ROBO1: variants seen among roughly 807,000 people sequenced by gnomAD.
The protein encoded by ROBO1 is roundabout guidance receptor 1, also known as roundabout homolog 1.
Under a neutral mutation model 195.9 loss-of-function variants are expected in ROBO1, and 149 were observed. The observed-to-expected ratio is 0.76, with a 90% CI of 0.67 to 0.87. The LOEUF (loss-of-function observed/expected upper bound fraction) is 0.87, where lower values mean the gene tolerates loss of function less well. Among genes scored for constraint, ROBO1 ranks in the 40% least tolerant of loss-of-function variants. The probability of loss-of-function intolerance (pLI) is 0.00; values close to 1 mark genes in which losing one functional copy is unlikely to be tolerated. For synonymous variants in ROBO1, 816 were observed against 733.2 expected (o/e 1.11, Z -1.82); for missense variants, 1,933 against 2,068.3 (o/e 0.93, Z 1.27).
rs1018461095 is a variant in ROBO1 at position 79,686,590 on chromosome 3, C to T, written c.-51+81162G>A. Among the ~76,000 whole-genome samples the T allele has an allele frequency of 6.6e-5, 10 of 152,060 alleles. No individual in the cohort carries two copies. The South Asian group carries it at 8.3e-4, about 13-fold the overall frequency. ...TATACACCAATAACAGACAGAGAGC[C>T]AAATCATGAGTGAACTCCCATTCAC... On this transcript the variant is annotated intron_variant, in intron 1 of 30. Coordinates refer to ENST00000464233, the MANE Select transcript of ROBO1 (RefSeq NM_002941.4).
chr3:79,376,478 C>T (rs1342788134), intron 2 of ROBO1, among the ~76,000 whole-genome samples: 4 of 152,172 alleles, frequency 2.6e-5, no homozygotes, highest in Non-Finnish European at 5.9e-5. Flanking sequence ...GTAGCTATCG[C>T]AATTCCCATG....
intron 1 of ROBO1, among the ~76,000 whole-genome samples, chr3:79,673,006 C>T (rs1273117822): frequency 1.3e-5 from 2 of 151,934 alleles, no homozygotes; most frequent in Non-Finnish European, 2.9e-5. Context: ...GGGCCAAATG[C>T]TTCATTACGA....
chr3:78,684,579 G>C (rs578204822), intron 10 of ROBO1, among the ~76,000 whole-genome samples: 27 of 152,240 alleles, frequency 1.8e-4, no homozygotes, highest in African/African-American at 6.5e-4. Context: ...TCTAGCAACA[G>C]TAAGAAAATG....
intron 5 of ROBO1, among the ~76,000 whole-genome samples, chr3:78,727,611 C>T (rs1054963238): frequency 5.3e-5 from 8 of 152,080 alleles, no homozygotes; most frequent in African/African-American, 1.9e-4. Flanking sequence ...GGCGACAGAG[C>T]GAGACTCCGT....
chr3:78,821,123 G>T (rs1030221382), intron 4 of ROBO1, among the ~76,000 whole-genome samples: 2 of 149,334 alleles, frequency 1.3e-5, no homozygotes, highest in African/African-American at 5.0e-5. Context: ...TTCTATTACT[G>T]TAGAGATAAG....
intron 2 of ROBO1, among the ~76,000 whole-genome samples, chr3:79,340,385 G>A (rs941142780): frequency 2.0e-5 from 3 of 152,092 alleles, no homozygotes; most frequent in African/African-American, 7.2e-5. Flanking sequence ...GCCTTTTCAG[G>A]TAAACTTGGA....
rs370391962 is a variant in ROBO1, at chr3:78,657,080, A to G, written c.2614+18T>C. On this transcript the variant is annotated intron_variant, in intron 18 of 30. Coordinates refer to ENST00000464233, the MANE Select transcript of ROBO1 (RefSeq NM_002941.4). ...GTAGAGTGAGAGATTGTCAAACTGG[A>G]TCTGCACTGACACTCACCCAGCTGG... 2.0e-5 allele frequency: 32 copies of G among 1,587,226 alleles called. No homozygotes were observed. Among genetic ancestry groups the G allele is most frequent in the Admixed American group, 3.5e-5 (2 of 56,904 alleles).
At chr3:78,630,435 C>T (rs6807510) in intron 25 of ROBO1, among the ~76,000 whole-genome samples, 42,559 of 152,040 alleles carry the variant, frequency 0.28, 6,074 homozygotes, top group East Asian at 0.43. Context: ...CATAGTAATA[C>T]ACTTCTCTGT....
Position 79,756,857 on chromosome 3 carries a change from T to C in ROBO1, c.-51+10895A>G, listed in dbSNP as rs1047524923. Among the ~76,000 whole-genome samples the C allele has an allele frequency of 3.3e-5, 5 of 152,316 alleles. No individual in the cohort carries two copies. In the South Asian group the frequency reaches 1.0e-3, roughly 32 times the overall value. On this transcript the variant is annotated intron_variant, in intron 1 of 30. Transcript: ENST00000464233. ...CTGCTGACCACCATTCTACTTTGTA[T>C]CTCTGTGACTTTGATTATTCTAGGT...
intron 1 of ROBO1, among the ~76,000 whole-genome samples, chr3:79,694,362 G>A (rs1947381325): frequency 6.6e-6 from 1 of 151,754 alleles, no homozygotes; most frequent in African/African-American, 2.4e-5. Context: ...AATGTCTTGA[G>A]AAAGTTTAAT....
At chr3:78,900,662 G>T (rs118012347) in intron 4 of ROBO1, among the ~76,000 whole-genome samples, 13 of 151,920 alleles carry the variant, frequency 8.6e-5, no homozygotes, top group African/African-American at 3.1e-4. Context: ...GTGTATATGC[G>T]CTAATGCTCA....
At chr3:78,735,892 T>A (rs1226455117) in intron 5 of ROBO1, among the ~76,000 whole-genome samples, 1 of 152,128 alleles carries the variant, frequency 6.6e-6, no homozygotes, top group Non-Finnish European at 1.5e-5. Flanking sequence ...CACTAATCCA[T>A]TATGTGACTC....
chr3:79,690,299 T>TA (rs1444930064), intron 1 of ROBO1, among the ~76,000 whole-genome samples: 1 of 151,880 alleles, frequency 6.6e-6, no homozygotes, highest in Non-Finnish European at 1.5e-5. Flanking sequence ...ACACAAATCC[T>TA]AAAAAGCAAA....
chr3:78,895,816 G>A (rs2037192538), intron 4 of ROBO1, among the ~76,000 whole-genome samples: 1 of 152,078 alleles, frequency 6.6e-6, no homozygotes, highest in Non-Finnish European at 1.5e-5. Flanking sequence ...CAAAAATCTG[G>A]ACACAACATT....
intron 3 of ROBO1, among the ~76,000 whole-genome samples, chr3:78,991,991 T>C (rs906779903): frequency 6.6e-6 from 1 of 152,112 alleles, no homozygotes; most frequent in Non-Finnish European, 1.5e-5. Flanking sequence ...CACATACTTG[T>C]AGAAATTAAA....
chr3:79,625,897 C>A (rs1945163421), intron 1 of ROBO1, among the ~76,000 whole-genome samples: 1 of 152,000 alleles, frequency 6.6e-6, no homozygotes, highest in Non-Finnish European at 1.5e-5. Flanking sequence ...TGGGAAGAGA[C>A]ACAACAAAAA....
chr3:79,336,304 G>A (rs2034663268), intron 2 of ROBO1, among the ~76,000 whole-genome samples: 1 of 152,166 alleles, frequency 6.6e-6, no homozygotes, highest in Admixed American at 6.5e-5. Context: ...TGGAAGCCTA[G>A]GAGGGAAAAA....
intron 2 of ROBO1, among the ~76,000 whole-genome samples, chr3:79,374,362 T>G (rs185951749): frequency 6.6e-6 from 1 of 152,286 alleles, no homozygotes; most frequent in African/African-American, 2.4e-5. Context: ...GAATATGTTT[T>G]AAAATAGAAT....
intron 1 of ROBO1, among the ~76,000 whole-genome samples, chr3:79,668,099 A>G (rs2106879056): frequency 6.6e-6 from 1 of 152,000 alleles, no homozygotes; most frequent in African/African-American, 2.4e-5. Context: ...ACACTGACAA[A>G]GTCTGTTTTT....
Sources: gnomAD v4.1 joint callset for allele counts (sites outside exome capture counted in the v4.1 genomes callset) on GRCh38, gnomAD v4.1.1 for gene constraint, MANE v1.5 for transcripts, NCBI Gene and HGNC (gene_info 2026-07-23, HGNC 2026-07-21) for gene names.